SIAH1: variants seen among roughly 807,000 people sequenced by gnomAD.
SIAH1 encodes E3 ubiquitin-protein ligase SIAH1.
SIAH1 carries 2 observed loss-of-function variants against 20.0 expected under a neutral mutation model. The observed-to-expected ratio is 0.10, with a 90% CI of 0.04 to 0.31. The LOEUF (loss-of-function observed/expected upper bound fraction) is 0.31. Among genes scored for constraint, SIAH1 ranks in the 10% least tolerant of loss-of-function variants. SIAH1 has a pLI of 1.00. For missense variants in SIAH1, 119 were observed against 355.3 expected, an observed-to-expected ratio of 0.33 and a Z score of 5.35; for synonymous variants, 118 against 125.3, an observed-to-expected ratio of 0.94 and a Z score of 0.39.
chr16:48,377,059 T>A (rs192291556), intron 1 of SIAH1, among the ~76,000 whole-genome samples: 24 of 152,194 alleles, frequency 1.6e-4, no homozygotes, highest in African/African-American at 5.6e-4. Context: ...GATGTGACAC[T>A]AATAAATAAC....
At chr16:48,377,618 C>T (rs113727100) in intron 1 of SIAH1, among the ~76,000 whole-genome samples, 2,548 of 152,134 alleles carry the variant, frequency 0.017, 59 homozygotes, top group African/African-American at 0.057. Flanking sequence ...TAGTCTTGAA[C>T]TCCTGACCTC....
rs910556271 is a variant in SIAH1, at chr16:48,377,935, A to T, written c.-3+7269T>A. On this transcript the variant is annotated intron_variant, in intron 1 of 1. Coordinates refer to ENST00000394725, the MANE Select transcript of SIAH1 (RefSeq NM_003031.4). ...TCTAATAAAAATAAAAATTATAATAAAATAAAATAAGAAGTACTGGGACAC... is the reference window on the plus strand; with the variant it reads ...TCTAATAAAAATAAAAATTATAATATAATAAAATAAGAAGTACTGGGACAC... Among the ~76,000 whole-genome samples the T allele has an allele frequency of 2.0e-5, 3 of 152,056 alleles. No homozygotes were observed. The East Asian group carries it at 5.8e-4, about 29-fold the overall frequency.
intron 1 of SIAH1, among the ~76,000 whole-genome samples, chr16:48,368,982 A>C (rs944901705): frequency 3.9e-5 from 6 of 152,300 alleles, no homozygotes; most frequent in African/African-American, 1.4e-4. Flanking sequence ...ACATTGTGGC[A>C]GGTATTATGT....
intron 1 of SIAH1, among the ~76,000 whole-genome samples, chr16:48,375,156 C>T (rs1373790166): frequency 6.6e-6 from 1 of 152,100 alleles, no homozygotes; most frequent in South Asian, 2.1e-4. Context: ...AAAGTCTATC[C>T]TCTAATGTTG....
At chr16:48,385,738 G>T (rs1022379364), upstream of SIAH1, among the ~76,000 whole-genome samples, 1 of 151,938 alleles carries the variant, frequency 6.6e-6, no homozygotes, top group African/African-American at 2.4e-5. Flanking sequence ...TTGTTCCGGG[G>T]CCGCGTGACC....
chr16:48,367,614 T>C (rs746161705), intron 1 of SIAH1, among the ~76,000 whole-genome samples: 2 of 152,246 alleles, frequency 1.3e-5, no homozygotes, highest in Non-Finnish European at 2.9e-5. Flanking sequence ...AGACCTGATT[T>C]AATTGCCAAG....
intron 1 of SIAH1, among the ~76,000 whole-genome samples, chr16:48,370,318 T>G (rs1295170253): frequency 1.3e-5 from 2 of 152,070 alleles, no homozygotes; most frequent in African/African-American, 4.8e-5. Context: ...CGTCTTTCCT[T>G]GGACCTTGGT....
chr16:48,382,100 G>A (rs1332076937), intron 1 of SIAH1, among the ~76,000 whole-genome samples: 1 of 152,226 alleles, frequency 6.6e-6, no homozygotes, highest in African/African-American at 2.4e-5. Flanking sequence ...TTGGAGGCCA[G>A]GCACAGCAGC....
chr16:48,367,593 G>A (rs747971420), intron 1 of SIAH1, among the ~76,000 whole-genome samples: 1 of 152,180 alleles, frequency 6.6e-6, no homozygotes, highest in Non-Finnish European at 1.5e-5. Flanking sequence ...GAATATTTAA[G>A]TTTTCAGCTG....
rs372493841 is a variant in SIAH1 at position 48,362,321 on chromosome 16, C to T, written c.108G>A (p.Ala36=). Residue 36 remains alanine, a synonymous_variant, in exon 2 of 2, where the codon GCG becomes GCA. Coordinates refer to ENST00000394725, the MANE Select transcript of SIAH1 (RefSeq NM_003031.4). The surrounding 1 kb of genome is among the most constrained non-coding windows in gnomAD (Gnocchi z 4.2). The part of the protein sequence containing the change: ...TGTTASNNDL[A]SLFECPVCFD... ...AGCAGACTGGACACTCAAAAAGACT[C>T]GCCAAGTCATTGTTGGATGCAGTTG... is the stretch of plus-strand genomic sequence containing the variant. 3.7e-5 allele frequency: 59 copies of T among 1,614,030 alleles called. 1 individual carries two copies. The highest frequency in any genetic ancestry group is 3.3e-4 in the African/African-American group (25 of 74,906).
At chr16:48,370,603 G>C (rs545164142) in intron 1 of SIAH1, among the ~76,000 whole-genome samples, 1 of 152,192 alleles carries the variant, frequency 6.6e-6, no homozygotes, top group East Asian at 1.9e-4. Context: ...CGGATCATGA[G>C]GTCAGGTTAT....
chr16:48,372,963 GCCTAATAAAC>G (rs1322444466), intron 1 of SIAH1, among the ~76,000 whole-genome samples: 1 of 147,544 alleles, frequency 6.8e-6, no homozygotes, highest in Non-Finnish European at 1.5e-5. Flanking sequence ...CTGGGCTCCT[GCCTAATAAAC>G]TCTGTTCACC....
rs59376248 is a variant in SIAH1 at position 48,380,928 on chromosome 16, CAA to C, written c.-3+4274_-3+4275del. ...TGGGCGACAGAGTGAGACTCCGTCT[CAA>C]AAAAAAAAAAAAAAAGAACGGCTAA... is the stretch of plus-strand genomic sequence containing the variant. On this transcript the variant is annotated intron_variant, in intron 1 of 1. Coordinates refer to ENST00000394725, the MANE Select transcript of SIAH1 (RefSeq NM_003031.4). Among the ~76,000 whole-genome samples the C allele has an allele frequency of 1.2e-3, 53 of 44,944 alleles. 4 individuals carry two copies. In the South Asian group the frequency reaches 0.013, roughly 11 times the overall value. The allele number at this position is 44,944 out of a possible 152,430, so 29.5% of individuals were successfully genotyped here.
At chr16:48,366,591 C>A (rs1483136760) in intron 1 of SIAH1, among the ~76,000 whole-genome samples, 1 of 152,176 alleles carries the variant, frequency 6.6e-6, no homozygotes, top group Non-Finnish European at 1.5e-5. Flanking sequence ...TGTTTTTAAA[C>A]AAGCACTACC....
At chr16:48,377,682 C>A (rs1231642491) in intron 1 of SIAH1, among the ~76,000 whole-genome samples, 1 of 151,900 alleles carries the variant, frequency 6.6e-6, no homozygotes, top group South Asian at 2.1e-4. Context: ...AGGCGTGAGC[C>A]GCCACGCTGA....
chr16:48,365,965 G>C (rs1005913765), intron 1 of SIAH1: 10 of 1,130,042 alleles, frequency 8.8e-6, no homozygotes, highest in Middle Eastern at 3.6e-4. Context: ...ACTCCAACCC[G>C]GGGCGCCAGG....
chr16:48,365,917 G>T, intron 1 of SIAH1: 1 of 1,225,668 alleles, frequency 8.2e-7, no homozygotes, highest in Non-Finnish European at 1.0e-6. Flanking sequence ...GAGCCATTTG[G>T]AGCCTCGGCC....
chr16:48,372,520 AT>A (rs1317734317), intron 1 of SIAH1, among the ~76,000 whole-genome samples: 4 of 152,214 alleles, frequency 2.6e-5, no homozygotes, highest in African/African-American at 9.6e-5. Context: ...CCTGTTAGCC[AT>A]GTAATTAAAT....
intron 1 of SIAH1, among the ~76,000 whole-genome samples, chr16:48,379,315 GA>G (rs1680139314): frequency 1.3e-5 from 2 of 152,312 alleles, no homozygotes; most frequent in South Asian, 4.1e-4. Context: ...AAGGCTTAGA[GA>G]GGTTCAGTAA....
Sources: allele counts gnomAD v4.1 joint callset (sites outside exome capture counted in the v4.1 genomes callset), GRCh38; gene constraint gnomAD v4.1.1; non-coding constraint Gnocchi (gnomAD v3.1); transcripts MANE v1.5; gene names NCBI Gene and HGNC (gene_info 2026-07-23, HGNC 2026-07-21).